TBC1D22A: variants seen among roughly 807,000 people sequenced by gnomAD.
TBC1D22A encodes TBC1 domain family member 22A.
Under a neutral mutation model 60.2 loss-of-function variants are expected in TBC1D22A, and 38 were observed. The observed-to-expected ratio is 0.63, with a 90% CI of 0.49 to 0.83. The LOEUF is 0.83. Among genes scored for constraint, TBC1D22A ranks in the 40% least tolerant of loss-of-function variants. TBC1D22A has a pLI of 0.00. For missense variants in TBC1D22A, 628 were observed against 701.0 expected (o/e 0.90, Z 1.18); for synonymous variants, 302 against 281.7 (o/e 1.07, Z -0.72).
At chr22:46,941,334 AAT>A (rs376952972) in intron 8 of TBC1D22A, among the ~76,000 whole-genome samples, 14 of 143,134 alleles carry the variant, frequency 9.8e-5, no homozygotes, top group African/African-American at 2.2e-4. Flanking sequence ...GGGGCACTAC[AAT>A]ATATATATAT....
chr22:47,104,610 G>A (rs577468904), intron 11 of TBC1D22A, among the ~76,000 whole-genome samples: 3 of 149,984 alleles, frequency 2.0e-5, no homozygotes, highest in African/African-American at 7.4e-5. Context: ...CAGGAGAATC[G>A]CTTGAACCCA....
At chr22:46,868,270 G>T (rs1012821303) in intron 4 of TBC1D22A, among the ~76,000 whole-genome samples, 5 of 152,146 alleles carry the variant, frequency 3.3e-5, no homozygotes, top group Non-Finnish European at 7.3e-5. Flanking sequence ...CTCACGAGTG[G>T]CTGAGATAGT....
Position 46,792,593 on chromosome 22 carries a change from C to A in TBC1D22A, c.119+17C>A. The A allele has an allele frequency of 6.2e-7, 1 of 1,614,234 alleles. No individual in the cohort carries two copies. Among genetic ancestry groups the A allele is most frequent in the Non-Finnish European group, 8.5e-7 (1 of 1,180,030 alleles). On this transcript the variant is annotated intron_variant, in intron 2 of 12. Transcript: ENST00000337137. ...ACATGGCACGTAAGTGACGTTCCAA[C>A]CTCACTTGGCGTCTCGGCTCTGATA... is the stretch of plus-strand genomic sequence containing the variant.
intron 11 of TBC1D22A, among the ~76,000 whole-genome samples, chr22:47,069,324 G>A (rs923515399): frequency 1.3e-5 from 2 of 152,160 alleles, no homozygotes; most frequent in African/African-American, 4.8e-5. Flanking sequence ...ACCCAACTTC[G>A]TTTTAGTGTG....
chr22:47,094,712 TA>T (rs1290821251), intron 11 of TBC1D22A, among the ~76,000 whole-genome samples: 8 of 152,344 alleles, frequency 5.3e-5, no homozygotes, highest in Admixed American at 4.6e-4. Flanking sequence ...GTCTTTCTCT[TA>T]TACTATATGG....
At chr22:47,119,439 C>T (rs1035768079) in intron 12 of TBC1D22A, among the ~76,000 whole-genome samples, 2 of 152,206 alleles carry the variant, frequency 1.3e-5, no homozygotes, top group Non-Finnish European at 2.9e-5. Flanking sequence ...TCTCTCTCCA[C>T]ATATATGGAG....
At chr22:47,077,930 G>C (rs1053365189) in intron 11 of TBC1D22A, among the ~76,000 whole-genome samples, 1 of 152,180 alleles carries the variant, frequency 6.6e-6, no homozygotes, top group African/African-American at 2.4e-5. Flanking sequence ...AGTACCTCAC[G>C]GTTTTCTTTT....
chr22:46,911,947 A>G (rs1333149410), intron 7 of TBC1D22A, 127 bp from the exon 8 acceptor site: 1 of 631,990 alleles, frequency 1.6e-6, no homozygotes. Flanking sequence ...ATATTTGTTT[A>G]TATTTGTATC....
chr22:47,049,615 CA>C (rs2063143597), intron 11 of TBC1D22A, among the ~76,000 whole-genome samples: 1 of 152,222 alleles, frequency 6.6e-6, no homozygotes, highest in Non-Finnish European at 1.5e-5. Context: ...GTCTCTTTTC[CA>C]TCCTTTTCTA....
At chr22:47,161,352 G>A (rs1158941130) in intron 12 of TBC1D22A, among the ~76,000 whole-genome samples, 1 of 152,082 alleles carries the variant, frequency 6.6e-6, no homozygotes, top group Non-Finnish European at 1.5e-5. Flanking sequence ...GGGGGGCACT[G>A]GGCTTCCCGC....
intron 7 of TBC1D22A, among the ~76,000 whole-genome samples, chr22:46,896,882 G>A (rs1396436458): frequency 6.6e-6 from 1 of 152,040 alleles, no homozygotes; most frequent in Non-Finnish European, 1.5e-5. Context: ...GGTCTGTTTG[G>A]TTTATGACTG....
chr22:46,974,724 G>A (rs747423688), intron 9 of TBC1D22A, among the ~76,000 whole-genome samples: 2 of 152,226 alleles, frequency 1.3e-5, no homozygotes, highest in Non-Finnish European at 2.9e-5. Context: ...TGTGTGTGTG[G>A]CTAGCTGTGC....
chr22:46,961,292 A>C (rs12158438), intron 8 of TBC1D22A, among the ~76,000 whole-genome samples: 3,913 of 152,316 alleles, frequency 0.026, 167 homozygotes, highest in African/African-American at 0.09. Flanking sequence ...TGATGTCAAG[A>C]ATCATCCACC....
At chr22:47,037,923 T>TA (rs1011950798) in intron 11 of TBC1D22A, among the ~76,000 whole-genome samples, 1 of 152,192 alleles carries the variant, frequency 6.6e-6, no homozygotes, top group African/African-American at 2.4e-5. Context: ...AAAGATTTTT[T>TA]AAAAAATCAC....
At chr22:47,132,000 T>C (rs1380137755) in intron 12 of TBC1D22A, among the ~76,000 whole-genome samples, 1 of 152,196 alleles carries the variant, frequency 6.6e-6, no homozygotes, top group Non-Finnish European at 1.5e-5. Context: ...ACTGATAAAC[T>C]TTGGTCAAGT....
intron 4 of TBC1D22A, among the ~76,000 whole-genome samples, chr22:46,823,565 A>G (rs1025770601): frequency 6.6e-6 from 1 of 152,214 alleles, no homozygotes; most frequent in Admixed American, 6.5e-5. Flanking sequence ...CATGCTGGGC[A>G]GGATGCAGAC....
chr22:46,923,358 A>C (rs1431133406), intron 8 of TBC1D22A, among the ~76,000 whole-genome samples: 1 of 152,152 alleles, frequency 6.6e-6, no homozygotes, highest in Non-Finnish European at 1.5e-5. Flanking sequence ...GCATGGGGAG[A>C]GTCCTGGGCT....
chr22:47,003,984 ACATGCCTGTATACACACACCCTACGCACG>A (rs1569325246), intron 10 of TBC1D22A, among the ~76,000 whole-genome samples: 10 of 141,548 alleles, frequency 7.1e-5, no homozygotes, highest in South Asian at 2.3e-4. Context: ...CCCTACGCAC[ACATGCCTGTATACACACACCCTACGCACG>A]CATGCCTGTA....
intron 12 of TBC1D22A, among the ~76,000 whole-genome samples, chr22:47,151,394 G>A (rs1429831094): frequency 6.6e-6 from 1 of 152,228 alleles, no homozygotes; most frequent in Admixed American, 6.5e-5. Context: ...ATCAATGTGA[G>A]AACGCAGACT....
Sources: gnomAD v4.1 joint callset for allele counts (sites outside exome capture counted in the v4.1 genomes callset) on GRCh38, gnomAD v4.1.1 for gene constraint, MANE v1.5 for transcripts, NCBI Gene and HGNC (gene_info 2026-07-23, HGNC 2026-07-21) for gene names.